The following ISG20 variants were observed in gnomAD, a reference collection of about 807,000 sequenced individuals.
ISG20 encodes the protein interferon stimulated exonuclease gene 20, also known as interferon-stimulated gene 20 kDa protein.
Under a neutral mutation model 11.1 loss-of-function variants are expected in ISG20, and 8 were observed. That is an observed-to-expected ratio of 0.72 (90% CI 0.42 to 1.30). The LOEUF is 1.30. ISG20 is among the 50% of genes most tolerant of loss of function. The pLI, the probability that ISG20 is intolerant of heterozygous loss-of-function variation, is 0.01. For synonymous variants in ISG20, 110 were observed against 101.7 expected (o/e 1.08, Z -0.49); for missense variants, 243 against 250.2 (o/e 0.97, Z 0.19).
At chr15:88,646,165 T>C (rs1279339938) in intron 2 of ISG20, among the ~76,000 whole-genome samples, 1 of 152,212 alleles carries the variant, frequency 6.6e-6, no homozygotes. Flanking sequence ...AGCTTGTTGC[T>C]CAACCTCTCT....
rs960886634 is a variant in ISG20, at chr15:88,643,258, T to C, written c.228+3664T>C. Among the ~76,000 whole-genome samples, 2 of 152,050 alleles carry C rather than the reference T, an allele frequency of 1.3e-5. No homozygotes were observed. Among genetic ancestry groups the C allele is most frequent in the African/African-American group, 4.8e-5 (2 of 41,414 alleles). ...TTAAAAAATAATAATAATTAAAATATTAAAAAGAGCCATAAAATGTCTCAA... is the reference window on the plus strand; with the variant it reads ...TTAAAAAATAATAATAATTAAAATACTAAAAAGAGCCATAAAATGTCTCAA... On this transcript the variant is annotated intron_variant, in intron 2 of 3. Transcript: ENST00000306072. This position sits in a 1 kb window ranked among gnomAD's most constrained non-coding sequence, Gnocchi z 4.4.
rs1488892966 is a variant in ISG20 at position 88,649,848 on chromosome 15, C to T, written c.229-2262C>T. 4 of 273,832 alleles carry T rather than the reference C, an allele frequency of 1.5e-5. No individual in the cohort carries two copies. In the East Asian group the frequency reaches 3.9e-4, roughly 27 times the overall value. 17.0% of individuals were successfully genotyped at this position (273,832 alleles called of 1,614,324 possible). ...CCTCTAAGTCGAGCGTGAGCTCTGT[C>T]CAGAGAAGGCCTCCAACCAGACCAT... On this transcript the variant is annotated intron_variant, in intron 2 of 3. Coordinates refer to ENST00000306072, the MANE Select transcript of ISG20 (RefSeq NM_002201.6).
chr15:88,649,780 T>G, intron 2 of ISG20: 1 of 174,036 alleles, frequency 5.7e-6, no homozygotes, highest in Non-Finnish European at 1.2e-5. Context: ...CTGGTGTGGT[T>G]CAGGAGCAGC....
At chr15:88,644,915 G>A (rs1453422797) in intron 2 of ISG20, among the ~76,000 whole-genome samples, 1 of 152,218 alleles carries the variant, frequency 6.6e-6, no homozygotes, top group Non-Finnish European at 1.5e-5. Flanking sequence ...CCGAGTCCCT[G>A]TACATCCAGA....
Position 88,650,478 on chromosome 15 carries a change from C to G in ISG20, c.229-1632C>G, listed in dbSNP as rs1288750539. 7.7e-6 allele frequency: 11 copies of G among 1,434,820 alleles called. No individual in the cohort carries two copies. Among genetic ancestry groups the G allele is most frequent in the Non-Finnish European group, 1.0e-5 (11 of 1,096,546 alleles). The allele number at this position is 1,434,820 out of a possible 1,614,324, so 88.9% of individuals were successfully genotyped here. Reference sequence around the variant, plus strand: ...CTTCAAGGCCTGGCTTTGCCACTAACTAGCCGTGTGACTGTCCCAGTTATC... The same window carrying G: ...CTTCAAGGCCTGGCTTTGCCACTAAGTAGCCGTGTGACTGTCCCAGTTATC... On this transcript the variant is annotated intron_variant, in intron 2 of 3. Coordinates refer to ENST00000306072, the MANE Select transcript of ISG20 (RefSeq NM_002201.6). The surrounding 1 kb of genome is among the most constrained non-coding windows in gnomAD (Gnocchi z 4.0).
rs2058367452 is a variant in ISG20, at chr15:88,655,840, T to G, written c.*309T>G. On this transcript the variant is annotated 3_prime_UTR_variant, in exon 4 of 4. Coordinates refer to ENST00000306072, the MANE Select transcript of ISG20 (RefSeq NM_002201.6). ...TCTAAGTAGCATGTGGCTTAATTAC[T>G]AATCCCACCCTTTGCTGTTGCATCC... 4 of 252,230 alleles carry G rather than the reference T, an allele frequency of 1.6e-5. No individual in the cohort carries two copies. In the South Asian group the frequency reaches 1.9e-4, roughly 12 times the overall value. The allele number at this position is 252,230 out of a possible 1,614,324, so 15.6% of individuals were successfully genotyped here.
In ISG20 at chr15:88,643,856, T is replaced by A. The variant is rs1430405022; in HGVS notation, c.228+4262T>A. ...TGGGATTTTTTTGGATTTTGGAATA[T>A]TTGCATTATACTTACTGGTTGAGCA... is the stretch of plus-strand genomic sequence containing the variant. On this transcript the variant is annotated intron_variant, in intron 2 of 3. Coordinates refer to ENST00000306072, the MANE Select transcript of ISG20 (RefSeq NM_002201.6). This position sits in a 1 kb window ranked among gnomAD's most constrained non-coding sequence, Gnocchi z 4.4. Among the ~76,000 whole-genome samples the A allele has an allele frequency of 6.6e-6, 1 of 152,208 alleles. No individual in the cohort carries two copies. Among genetic ancestry groups the A allele is most frequent in the Non-Finnish European group, 1.5e-5 (1 of 68,042 alleles).
intron 2 of ISG20, among the ~76,000 whole-genome samples, chr15:88,645,531 T>C (rs2058157700): frequency 6.6e-6 from 1 of 152,064 alleles, no homozygotes; most frequent in South Asian, 2.1e-4. Flanking sequence ...GCCTCCCCTA[T>C]TAAAATATCT....
upstream of ISG20, among the ~76,000 whole-genome samples, chr15:88,638,460 T>C (rs181622589): frequency 5.4e-4 from 82 of 152,290 alleles, no homozygotes; most frequent in Non-Finnish European, 1.0e-3. Context: ...GCAGAGCTCA[T>C]TGAGGCATCT....
chr15:88,651,329 T>TA, intron 2 of ISG20: 1 of 973,694 alleles, frequency 1.0e-6, no homozygotes, highest in Non-Finnish European at 1.2e-6. Flanking sequence ...GCCATCAACT[T>TA]AGTGATTCAC....
chr15:88,655,802 T>G lies in ISG20; in HGVS notation c.*271T>G, dbSNP rs1767698130. On this transcript the variant is annotated 3_prime_UTR_variant, in exon 4 of 4. Coordinates refer to ENST00000306072, the MANE Select transcript of ISG20 (RefSeq NM_002201.6). Reference sequence around the variant, plus strand: ...TATCTTGAATCCTGTGGGTCCAAAATGTGGCTTGGAAATCTAAGTAGCATG... The same window carrying G: ...TATCTTGAATCCTGTGGGTCCAAAAGGTGGCTTGGAAATCTAAGTAGCATG... The G allele has an allele frequency of 6.5e-6, 2 of 308,866 alleles. No homozygotes were observed. The highest frequency in any genetic ancestry group is 2.2e-5 in the African/African-American group (1 of 45,258). The allele number at this position is 308,866 out of a possible 1,614,324, so 19.1% of individuals were successfully genotyped here.
intron 2 of ISG20, among the ~76,000 whole-genome samples, chr15:88,641,971 T>C (rs2141390643): frequency 6.8e-6 from 1 of 147,538 alleles, no homozygotes; most frequent in East Asian, 2.0e-4. Flanking sequence ...AGTCACTCTG[T>C]TGTCTAGGCT....
At chr15:88,649,981 T>A in intron 2 of ISG20, 1 of 500,582 alleles carries the variant, frequency 2.0e-6, no homozygotes, top group South Asian at 2.1e-5. Context: ...AGCCTCAGTC[T>A]CCTGTGGTTG....
upstream of ISG20, chr15:88,638,830 C>T (rs145118718): frequency 1.4e-3 from 230 of 159,612 alleles, no homozygotes; most frequent in Non-Finnish European, 2.5e-3. Flanking sequence ...CCTGCCAGCT[C>T]CGTCAGCCCT....
At chr15:88,644,694 T>G (rs529684316) in intron 2 of ISG20, among the ~76,000 whole-genome samples, 2 of 152,020 alleles carry the variant, frequency 1.3e-5, no homozygotes, top group South Asian at 4.2e-4. Context: ...GAGGGCAACA[T>G]GAAGAAGAGG....
At chr15:88,636,244 C>G (rs965697241), upstream of ISG20, 1 of 152,284 alleles carries the variant, frequency 6.6e-6, no homozygotes, top group Non-Finnish European at 1.5e-5. Context: ...GTCACCTGAT[C>G]CAACAAGATT....
rs1316855264 is a variant in ISG20, at chr15:88,643,663, C to T, written c.228+4069C>T. 2.0e-5 allele frequency among the ~76,000 whole-genome samples: 3 copies of T among 152,298 alleles called. No individual in the cohort carries two copies. The East Asian group carries it at 5.8e-4, about 29-fold the overall frequency. On this transcript the variant is annotated intron_variant, in intron 2 of 3. Transcript: ENST00000306072. The surrounding 1 kb of genome is among the most constrained non-coding windows in gnomAD (Gnocchi z 4.4). ...AAGTTGCAGTGAGCCAAGATCGTGC[C>T]ACTGCCACTCCAGCCTGGGCGACAG... is the stretch of plus-strand genomic sequence containing the variant.
chr15:88,655,533 G>T lies in ISG20; in HGVS notation c.*2G>T, dbSNP rs199724880. 9.3e-6 allele frequency: 15 copies of T among 1,611,096 alleles called. No individual in the cohort carries two copies. The highest frequency in any genetic ancestry group is 1.7e-6 in the Non-Finnish European group (2 of 1,178,080). On this transcript the variant is annotated 3_prime_UTR_variant, in exon 4 of 4. Coordinates refer to ENST00000306072, the MANE Select transcript of ISG20 (RefSeq NM_002201.6). ...CCCCGCCTGGCTGTGTCAGACTGAAGCCCCATCCAGCCCGTTCCGCAGGGA... is the reference window on the plus strand; with the variant it reads ...CCCCGCCTGGCTGTGTCAGACTGAATCCCCATCCAGCCCGTTCCGCAGGGA...
chr15:88,651,857 A>C (rs1232665274), intron 2 of ISG20: 1 of 1,349,598 alleles, frequency 7.4e-7, no homozygotes, highest in African/African-American at 1.5e-5. Context: ...GGATGTACTA[A>C]CCATTGCTCC....
Sources: gnomAD v4.1 joint callset for allele counts (sites outside exome capture counted in the v4.1 genomes callset) on GRCh38, gnomAD v4.1.1 for gene constraint, Gnocchi (gnomAD v3.1) non-coding constraint, MANE v1.5 for transcripts, NCBI Gene and HGNC (gene_info 2026-07-23, HGNC 2026-07-21) for gene names.